Variants in FAM193A observed in about 807,000 individuals in gnomAD.
FAM193A encodes the protein family with sequence similarity 193 member A.
FAM193A carries 22 observed loss-of-function variants against 126.5 expected under a neutral mutation model. The ratio of observed to expected loss-of-function variants is 0.17; its 90% CI spans 0.12 to 0.25. The LOEUF is 0.25. Among genes scored for constraint, FAM193A ranks in the 10% least tolerant of loss-of-function variants. FAM193A has a pLI of 1.00. For synonymous variants in FAM193A, 761 were observed against 646.8 expected (o/e 1.18, Z -2.68); for missense variants, 1,675 against 1,672.8 (o/e 1.00, Z -0.02).
intron 1 of FAM193A, among the ~76,000 whole-genome samples, chr4:2,587,552 C>T (rs1474653477): frequency 2.0e-5 from 3 of 151,308 alleles, no homozygotes; most frequent in South Asian, 2.1e-4. Context: ...ATTAGTTGGG[C>T]ATGGTGGTGC....
At chr4:2,702,719 G>A (rs1717871292) in intron 19 of FAM193A, among the ~76,000 whole-genome samples, 1 of 152,174 alleles carries the variant, frequency 6.6e-6, no homozygotes, top group Non-Finnish European at 1.5e-5. Flanking sequence ...TTACTGACTT[G>A]CTGAGTCCTA....
intron 10 of FAM193A, among the ~76,000 whole-genome samples, chr4:2,660,972 CATTTTTGCAGCT>C (rs1181583663): frequency 5.3e-5 from 8 of 152,164 alleles, no homozygotes; most frequent in Admixed American, 1.3e-4. Flanking sequence ...AGAGTGTTGA[CATTTTTGCAGCT>C]GGCTGTTATC....
chr4:2,681,305 T>C (rs1715090979), intron 13 of FAM193A, among the ~76,000 whole-genome samples: 1 of 152,228 alleles, frequency 6.6e-6, no homozygotes, highest in Non-Finnish European at 1.5e-5. Flanking sequence ...TCATTGATTT[T>C]TTTTTTCCCC....
At chr4:2,612,887 T>G (rs769771082) in intron 2 of FAM193A, among the ~76,000 whole-genome samples, 4 of 152,206 alleles carry the variant, frequency 2.6e-5, no homozygotes, top group Non-Finnish European at 4.4e-5. Context: ...TCAAAAGTGG[T>G]TTGGATATAT....
chr4:2,689,362 G>T, intron 13 of FAM193A, 144 bp from the exon 14 acceptor site: 2 of 570,818 alleles, frequency 3.5e-6, no homozygotes, highest in South Asian at 4.8e-5. Context: ...TGTTTTGTGA[G>T]ATGTGCTCCC....
intron 19 of FAM193A, chr4:2,708,294 T>G (rs1020495714): frequency 2.9e-6 from 1 of 350,746 alleles, no homozygotes; most frequent in East Asian, 9.4e-5. Flanking sequence ...CCCAGCTAAT[T>G]TTTTGTATTT....
At chr4:2,559,836 G>C (rs1010207911) in intron 1 of FAM193A, among the ~76,000 whole-genome samples, 10 of 152,230 alleles carry the variant, frequency 6.6e-5, no homozygotes, top group African/African-American at 2.4e-4. Flanking sequence ...TTCCACTGCT[G>C]TTGCGGTGCC....
intron 13 of FAM193A, among the ~76,000 whole-genome samples, chr4:2,689,250 C>G (rs1220830579): frequency 6.6e-6 from 1 of 152,184 alleles, no homozygotes; most frequent in East Asian, 1.9e-4. Context: ...ACTGAGTTGT[C>G]TAAAGTTTGT....
chr4:2,610,227 T>C (rs981976165), intron 2 of FAM193A, among the ~76,000 whole-genome samples: 1 of 152,112 alleles, frequency 6.6e-6, no homozygotes, highest in Non-Finnish European at 1.5e-5. Flanking sequence ...CGAGACTCTG[T>C]CTCAAAAACA....
At chr4:2,702,636 C>CA in intron 19 of FAM193A, among the ~76,000 whole-genome samples, 1 of 152,278 alleles carries the variant, frequency 6.6e-6, no homozygotes, top group Middle Eastern at 3.4e-3. Flanking sequence ...CTACAGTGAG[C>CA]GTTCTCCCTT....
chr4:2,594,825 T>TCC (rs1740768132), intron 1 of FAM193A, among the ~76,000 whole-genome samples: 1 of 124,698 alleles, frequency 8.0e-6, no homozygotes, highest in Non-Finnish European at 1.7e-5. Context: ...TTTTCCTTTT[T>TCC]TTTTTTTTTT....
chr4:2,656,709 A>G (rs1711727878), intron 7 of FAM193A, among the ~76,000 whole-genome samples: 1 of 152,248 alleles, frequency 6.6e-6, no homozygotes, highest in Non-Finnish European at 1.5e-5. Context: ...CAGGTTGTCA[A>G]GAGAAGCCAG....
chr4:2,683,295 T>G (rs150845032), intron 13 of FAM193A, among the ~76,000 whole-genome samples: 352 of 151,808 alleles, frequency 2.3e-3, no homozygotes, highest in African/African-American at 8.0e-3. Context: ...TTTTTTTTTT[T>G]TTTGTTTTTT....
At chr4:2,710,654 C>A (rs766684694) in intron 19 of FAM193A, among the ~76,000 whole-genome samples, 67 of 151,834 alleles carry the variant, frequency 4.4e-4, no homozygotes, top group Admixed American at 7.9e-4. Flanking sequence ...AGGTGGGCAC[C>A]ACCACACTCG....
intron 20 of FAM193A, among the ~76,000 whole-genome samples, chr4:2,729,812 A>C (rs1041882369): frequency 1.3e-5 from 2 of 152,116 alleles, no homozygotes; most frequent in Non-Finnish European, 2.9e-5. Flanking sequence ...AGGTTTTACC[A>C]TGTTGCCCAG....
At chr4:2,678,123 G>A (rs942756368) in intron 13 of FAM193A, among the ~76,000 whole-genome samples, 15 of 151,516 alleles carry the variant, frequency 9.9e-5, no homozygotes, top group East Asian at 3.9e-4. Flanking sequence ...TCAGCCTCCC[G>A]TACAGGCACG....
rs143197328 is a variant in FAM193A at position 2,693,406 on chromosome 4, G to A, written c.2804-180G>A. On this transcript the variant is annotated intron_variant, in intron 15 of 20. Coordinates refer to ENST00000637812, the MANE Select transcript of FAM193A (RefSeq NM_001366318.2). ...AGGTGAGTGTAACTTGCAGACGTTC[G>A]GCTAAAAAGTGTGTGTGCCTGTAAG... Among the ~76,000 whole-genome samples the A allele has an allele frequency of 7.4e-3, 1,121 of 152,246 alleles. 18 individuals are homozygous for A. Among genetic ancestry groups the A allele is most frequent in the African/African-American group, 0.025 (1,056 of 41,544 alleles).
At chr4:2,674,303 C>T (rs898485580) in intron 13 of FAM193A, among the ~76,000 whole-genome samples, 1 of 152,244 alleles carries the variant, frequency 6.6e-6, no homozygotes, top group Non-Finnish European at 1.5e-5. Flanking sequence ...CTGTTGACCA[C>T]ATCTGTGCCT....
At chr4:2,669,073 C>A (rs1713486730) in intron 12 of FAM193A, among the ~76,000 whole-genome samples, 1 of 152,106 alleles carries the variant, frequency 6.6e-6, no homozygotes, top group Non-Finnish European at 1.5e-5. Flanking sequence ...AAACTCCTGA[C>A]TTCAGGTGAC....
Sources: gnomAD v4.1 joint callset for allele counts (sites outside exome capture counted in the v4.1 genomes callset) on GRCh38, gnomAD v4.1.1 for gene constraint, MANE v1.5 for transcripts, NCBI Gene and HGNC (gene_info 2026-07-23, HGNC 2026-07-21) for gene names.